Variants in PCID2 observed in about 807,000 individuals in gnomAD.
PCID2 encodes the protein PCI domain containing 2.
A neutral mutation model predicts 61.3 loss-of-function variants in PCID2; 41 were observed. The observed-to-expected ratio is 0.67, with a 90% CI of 0.52 to 0.87. PCID2 has a LOEUF of 0.87. Among genes scored for constraint, PCID2 ranks in the 40% least tolerant of loss-of-function variants. PCID2 has a pLI of 0.00. For missense variants in PCID2, 392 were observed against 493.4 expected (o/e 0.79, Z 1.95); for synonymous variants, 187 against 177.8 (o/e 1.05, Z -0.41).
intron 1 of PCID2, among the ~76,000 whole-genome samples, chr13:113,200,998 T>C (rs917043722): frequency 6.6e-6 from 1 of 152,208 alleles, no homozygotes; most frequent in African/African-American, 2.4e-5. Flanking sequence ...TGGTTTATCA[T>C]GTAGCTCTTC....
Position 113,190,871 on chromosome 13 carries a change from C to T in PCID2, c.467+1G>A, listed in dbSNP as rs1384799235. 8 of 1,599,750 alleles carry T rather than the reference C, an allele frequency of 5.0e-6. No individual in the cohort carries two copies. The highest frequency in any genetic ancestry group is 2.7e-5 in the African/African-American group (2 of 74,440). The stretch of plus-strand genomic sequence containing the variant: ...TGGTCGGTCCTCAAGTCCTTACTCA[C>T]GTGTCGCTGGCACAGACCCGGAAAC... On this transcript the variant is annotated splice_donor_variant, in intron 7 of 13. Transcript: ENST00000337344. LOFTEE classifies it high-confidence loss of function.
intron 1 of PCID2, among the ~76,000 whole-genome samples, chr13:113,206,751 T>G (rs992655310): frequency 2.6e-5 from 4 of 152,242 alleles, no homozygotes; most frequent in African/African-American, 9.6e-5. Context: ...TCCATCAGAA[T>G]TAGGAGGAAG....
intron 7 of PCID2, 139 bp from the exon 8 acceptor site, chr13:113,185,699 T>C: frequency 1.9e-6 from 1 of 540,028 alleles, no homozygotes. Flanking sequence ...CTTATTCATA[T>C]CAAGTCATAT....
At chr13:113,169,625 C>T in the PCID2 span, among the ~76,000 whole-genome samples, 30 of 152,248 alleles carry the variant, frequency 2.0e-4, no homozygotes, top group Non-Finnish European at 2.9e-4. Flanking sequence ...AGGACCAGGG[C>T]AGCGCTCAAG....
rs2039803803 is a variant in PCID2, at chr13:113,206,251, T to C, written c.36+2348A>G. Among the ~76,000 whole-genome samples the C allele has an allele frequency of 2.0e-5, 3 of 152,368 alleles. No individual in the cohort carries two copies. In the South Asian group the frequency reaches 6.2e-4, roughly 32 times the overall value. ...TTTAGAGATGGAGAGTCACAGAAGTTAGATAACTTGTCATGGTCCCAGAAT... is the reference window on the plus strand; with the variant it reads ...TTTAGAGATGGAGAGTCACAGAAGTCAGATAACTTGTCATGGTCCCAGAAT... On this transcript the variant is annotated intron_variant, in intron 1 of 13. Coordinates refer to ENST00000337344, the MANE Select transcript of PCID2 (RefSeq NM_001127202.4).
downstream of PCID2, among the ~76,000 whole-genome samples, chr13:113,173,476 T>C (rs2037147836): frequency 6.6e-6 from 1 of 152,232 alleles, no homozygotes; most frequent in Admixed American, 6.5e-5. Context: ...GAGAGGACTT[T>C]TAAAAAGAGG....
intron 7 of PCID2, 136 bp downstream of exon 7, chr13:113,190,736 T>G: frequency 2.1e-6 from 1 of 468,856 alleles, no homozygotes; most frequent in Non-Finnish European, 3.8e-6. Context: ...AAAGCAAAAA[T>G]AACAATGGTT....
At chr13:113,172,703 G>A (rs949571045), downstream of PCID2, among the ~76,000 whole-genome samples, 3 of 152,208 alleles carry the variant, frequency 2.0e-5, no homozygotes, top group Non-Finnish European at 4.4e-5. Flanking sequence ...GGCGTCTCAC[G>A]GGGTTGTGCA....
At chr13:113,168,210 G>A in the PCID2 span, among the ~76,000 whole-genome samples, 6 of 152,348 alleles carry the variant, frequency 3.9e-5, no homozygotes, top group East Asian at 1.2e-3. Flanking sequence ...CATATATAGT[G>A]GAATGCGGAT....
rs772149886 is a variant in PCID2, at chr13:113,200,531, A to C, written c.37-15T>G. ...GCTTCGTACACCTGAAACATTTGAA[A>C]GGGAAACCTAAGTAGAAAATAAAAT... is the stretch of plus-strand genomic sequence containing the variant. On this transcript the variant is annotated splice_polypyrimidine_tract_variant and intron_variant, in intron 1 of 13. Transcript: ENST00000337344. 6.5e-7 allele frequency: 1 copy of C among 1,538,688 alleles called. No individual in the cohort carries two copies. Among genetic ancestry groups the C allele is most frequent in the African/African-American group, 1.4e-5 (1 of 73,456 alleles).
At chr13:113,193,277 T>TAA (rs560566712) in intron 6 of PCID2, among the ~76,000 whole-genome samples, 3 of 146,848 alleles carry the variant, frequency 2.0e-5, no homozygotes, top group African/African-American at 7.5e-5. Flanking sequence ...CTAACCTTTT[T>TAA]AAAAAAAAAA....
At chr13:113,169,583 C>A in the PCID2 span, among the ~76,000 whole-genome samples, 1 of 152,204 alleles carries the variant, frequency 6.6e-6, no homozygotes, top group Non-Finnish European at 1.5e-5. Context: ...ATACTTTCAT[C>A]CTTTGGCACA....
chr13:113,208,411 G>C, intron 1 of PCID2, 188 bp downstream of exon 1: 1 of 1,481,782 alleles, frequency 6.7e-7, no homozygotes, highest in South Asian at 1.3e-5. Flanking sequence ...CTGCAGGGGA[G>C]AACTCGGGCC....
chr13:113,186,843 A>T (rs2038158770), intron 7 of PCID2: 1 of 152,218 alleles, frequency 6.6e-6, no homozygotes, highest in Non-Finnish European at 1.5e-5. Context: ...AAAATGATAA[A>T]ATCACTCAAA....
In PCID2 at chr13:113,196,224, T is replaced by C; in HGVS notation, c.267-2A>G. On this transcript the variant is annotated splice_acceptor_variant, in intron 4 of 13. Coordinates refer to ENST00000337344, the MANE Select transcript of PCID2 (RefSeq NM_001127202.4). LOFTEE classifies it high-confidence loss of function. ...GCCTGGAATGCTCGCAAGAATGATG[T>C]ACTGTATTAAGGAAGATATGGCATA... is the stretch of plus-strand genomic sequence containing the variant. The C allele has an allele frequency of 2.5e-6, 4 of 1,599,356 alleles. No individual in the cohort carries two copies. The highest frequency in any genetic ancestry group is 3.4e-6 in the Non-Finnish European group (4 of 1,168,556).
At chr13:113,183,952 G>T in intron 9 of PCID2, 1 of 985,292 alleles carries the variant, frequency 1.0e-6, no homozygotes, top group Non-Finnish European at 1.2e-6. Flanking sequence ...CTCCATGCGG[G>T]ATGTGTAGGT....
chr13:113,192,156 G>C (rs548152475), intron 6 of PCID2, among the ~76,000 whole-genome samples: 14 of 152,312 alleles, frequency 9.2e-5, no homozygotes, highest in African/African-American at 3.4e-4. Flanking sequence ...TACTCAGGAG[G>C]CTGAGGTGGG....
intron 6 of PCID2, among the ~76,000 whole-genome samples, chr13:113,193,545 T>G (rs2038778341): frequency 6.6e-6 from 1 of 152,228 alleles, no homozygotes; most frequent in Non-Finnish European, 1.5e-5. Context: ...TAGTATTTTG[T>G]TTTGGAAATA....
intron 9 of PCID2, among the ~76,000 whole-genome samples, chr13:113,183,308 C>T (rs1395338642): frequency 6.6e-6 from 1 of 152,086 alleles, no homozygotes; most frequent in Admixed American, 6.5e-5. Context: ...ATAACAATTT[C>T]TGGCTATGTT....
Sources: allele counts gnomAD v4.1 joint callset (sites outside exome capture counted in the v4.1 genomes callset), GRCh38; gene constraint gnomAD v4.1.1; transcripts MANE v1.5; gene names NCBI Gene and HGNC (gene_info 2026-07-23, HGNC 2026-07-21).